TGIF2: variants seen among roughly 807,000 people sequenced by gnomAD.
TGIF2 encodes the protein TGFB induced factor homeobox 2.
TGIF2 carries 5 observed loss-of-function variants against 15.1 expected under a neutral mutation model. The ratio of observed to expected loss-of-function variants is 0.33; its 90% CI spans 0.17 to 0.70. TGIF2 has a LOEUF of 0.70. TGIF2 is among the 30% of genes least tolerant of loss of function. TGIF2 has a pLI of 0.67. For missense variants in TGIF2, 264 were observed against 302.5 expected (o/e 0.87, Z 0.94); for synonymous variants, 131 against 128.9 (o/e 1.02, Z -0.11).
rs764618617 is a variant in TGIF2 at position 36,578,779 on chromosome 20, C to T, written c.5C>T (p.Ser2Leu). The change falls in exon 2 of 3, where the codon TCG becomes TTG. Residue 2 changes from serine to leucine, a missense_variant. By Grantham distance (145) the Ser-to-Leu change is moderately radical (BLOSUM62 -2). Coordinates refer to ENST00000373872, the MANE Select transcript of TGIF2 (RefSeq NM_021809.7). MSDSDLGEDEGL... is the reference protein window; with the variant it reads MLDSDLGEDEGL... ...CCAGCCTAGCCCCTAGGCACCATGT[C>T]GGACAGTGATCTAGGTGAGGACGAA... The T allele has an allele frequency of 9.3e-6, 15 of 1,610,842 alleles. No homozygotes were observed. The highest frequency in any genetic ancestry group is 8.8e-5 in the South Asian group (8 of 90,498).
At chr20:36,588,355 C>CTTTTT (rs397802665) in intron 2 of TGIF2, among the ~76,000 whole-genome samples, 26 of 60,432 alleles carry the variant, frequency 4.3e-4, no homozygotes, top group South Asian at 8.0e-4. Flanking sequence ...GCCCTTCCTT[C>CTTTTT]TTTTTTTTTT....
chr20:36,585,465 T>TAAAAAAAAAAAAAAAAAAAAAAA (rs998173848), intron 2 of TGIF2, among the ~76,000 whole-genome samples: 1 of 104,056 alleles, frequency 9.6e-6, no homozygotes, highest in Non-Finnish European at 2.0e-5. Flanking sequence ...ACTCTGTCTT[T>TAAAAAAAAAAAAAAAAAAAAAAA]AAAAAAAAAA....
intron 2 of TGIF2, among the ~76,000 whole-genome samples, chr20:36,583,487 A>C (rs972618297): frequency 3.3e-5 from 5 of 150,818 alleles, no homozygotes; most frequent in Non-Finnish European, 3.0e-5. Context: ...AAGGCTGGGC[A>C]CTGTGGCTTA....
Position 36,591,350 on chromosome 20 carries a change from G to A in TGIF2, c.633G>A (p.Glu211=). 1 of 1,614,190 alleles carries A rather than the reference G, an allele frequency of 6.2e-7. No homozygotes were observed. The highest frequency in any genetic ancestry group is 1.3e-5 in the African/African-American group (1 of 75,050). The part of the protein sequence containing the change: ...LVEVALQRAA[E]MELQKQQDPS... ...AGGTGGCGCTACAGAGGGCTGCTGA[G>A]ATGGAGCTTCAGAAGCAGCAGGACC... is the stretch of plus-strand genomic sequence containing the variant. The change falls in exon 3 of 3, where the codon GAG becomes GAA. Residue 211 remains glutamate (E), a synonymous_variant. Transcript: ENST00000373872. This position sits in a 1 kb window ranked among gnomAD's most constrained non-coding sequence, Gnocchi z 5.3.
intron 1 of TGIF2, among the ~76,000 whole-genome samples, chr20:36,576,447 G>A (rs2038430783): frequency 6.6e-6 from 1 of 152,118 alleles, no homozygotes; most frequent in South Asian, 2.1e-4. Flanking sequence ...ACTGCTGCAG[G>A]ATCATGGTGA....
intron 1 of TGIF2, among the ~76,000 whole-genome samples, chr20:36,578,095 T>C (rs2038468924): frequency 6.6e-6 from 1 of 152,108 alleles, no homozygotes; most frequent in Admixed American, 6.6e-5. Context: ...GGAATTGTAA[T>C]GATTAAATGA....
intron 2 of TGIF2, among the ~76,000 whole-genome samples, chr20:36,586,246 G>A (rs2038656027): frequency 6.6e-6 from 1 of 152,124 alleles, no homozygotes; most frequent in African/African-American, 2.4e-5. Flanking sequence ...AAAGGGCTTG[G>A]CCTGCAAGGA....
At chr20:36,584,111 A>C (rs1180941735) in intron 2 of TGIF2, among the ~76,000 whole-genome samples, 1 of 152,162 alleles carries the variant, frequency 6.6e-6, no homozygotes, top group Non-Finnish European at 1.5e-5. Flanking sequence ...CAGCCTAATG[A>C]CATCACCGGC....
Position 36,584,543 on chromosome 20 carries a change from TATTA to T in TGIF2, c.192+5585_192+5588del, listed in dbSNP as rs149232289. On this transcript the variant is annotated intron_variant, in intron 2 of 2. Coordinates refer to ENST00000373872, the MANE Select transcript of TGIF2 (RefSeq NM_021809.7). ...TGGGAGCATCATTTTTTCCTGTATTTATTAATTAATTTTTTTTTTTTTTGAGACG... is the reference window on the plus strand; with the variant it reads ...TGGGAGCATCATTTTTTCCTGTATTTATTAATTTTTTTTTTTTTTGAGACG... Among the ~76,000 whole-genome samples, 266 of 152,050 alleles carry T rather than the reference TATTA, an allele frequency of 1.7e-3. 6 individuals carry two copies. The East Asian group carries it at 0.045, about 25-fold the overall frequency.
chr20:36,576,454 G>A (rs1046536729), intron 1 of TGIF2, among the ~76,000 whole-genome samples: 2 of 152,108 alleles, frequency 1.3e-5, no homozygotes, highest in South Asian at 4.1e-4. Flanking sequence ...CAGGATCATG[G>A]TGATCTGTAG....
intron 2 of TGIF2, among the ~76,000 whole-genome samples, chr20:36,583,117 C>A (rs2038578630): frequency 6.6e-6 from 1 of 151,314 alleles, no homozygotes. Context: ...TTCTTCAATA[C>A]TAAAAATACA....
At chr20:36,579,665 G>A (rs905636104) in intron 2 of TGIF2, among the ~76,000 whole-genome samples, 6 of 152,170 alleles carry the variant, frequency 3.9e-5, no homozygotes, top group Non-Finnish European at 8.8e-5. Context: ...AAGAGATGGG[G>A]CAGGATCACA....
intron 2 of TGIF2, among the ~76,000 whole-genome samples, chr20:36,585,324 C>G (rs1432355162): frequency 1.3e-5 from 2 of 151,770 alleles, no homozygotes; most frequent in African/African-American, 4.8e-5. Context: ...GTGGTGAAAC[C>G]CCGTCTCTAC....
chr20:36,576,088 T>C (rs183552467), intron 1 of TGIF2, among the ~76,000 whole-genome samples: 1 of 148,362 alleles, frequency 6.7e-6, no homozygotes, highest in Non-Finnish European at 1.5e-5. Context: ...CGAGACTCCA[T>C]CTCAAAAAAA....
chr20:36,592,374 T>G lies in TGIF2; in HGVS notation c.*943T>G, dbSNP rs985241745. On this transcript the variant is annotated 3_prime_UTR_variant, in exon 3 of 3. Coordinates refer to ENST00000373872, the MANE Select transcript of TGIF2 (RefSeq NM_021809.7). ...GGTGGGTGGGGGAAGTAAACTAGAC[T>G]GAAGCGATGGATTTTTTTTTTCTTT... 1 of 152,166 alleles carries G rather than the reference T, an allele frequency of 6.6e-6. No individual in the cohort carries two copies. Among genetic ancestry groups the G allele is most frequent in the East Asian group, 1.9e-4 (1 of 5,204 alleles). The allele number at this position is 152,166 out of a possible 1,614,324, so 9.4% of individuals were successfully genotyped here.
intron 1 of TGIF2, among the ~76,000 whole-genome samples, chr20:36,577,063 C>G (rs2038444969): frequency 6.6e-6 from 1 of 152,022 alleles, no homozygotes; most frequent in Non-Finnish European, 1.5e-5. Flanking sequence ...TCCAGGTTGA[C>G]ATGCACTGGT....
At position 36,579,036 on chromosome 20, in the gene TGIF2, T is replaced by C. The variant is rs2234086; in HGVS notation, c.192+70T>C. 6.8e-4 allele frequency: 1,053 copies of C among 1,547,106 alleles called. 3 individuals are homozygous for C. In the African/African-American group the frequency reaches 0.013, roughly 19 times the overall value. ...TCTAGTCCTATTCCAGCTGTGTCAC[T>C]GAGTCACTGTGGTCTTGGGCCACTC... On this transcript the variant is annotated intron_variant, in intron 2 of 2. Coordinates refer to ENST00000373872, the MANE Select transcript of TGIF2 (RefSeq NM_021809.7).
In TGIF2 at chr20:36,574,142, CAG is replaced by C. The variant is rs1455672350; in HGVS notation, c.-35+398_-35+399del. ...AGGGCCCCCCCGCCGCCGAGCCGGA[CAG>C]GGGGCGGCCGAGAGTGACAGCTGGG... On this transcript the variant is annotated intron_variant, in intron 1 of 2. Coordinates refer to ENST00000373872, the MANE Select transcript of TGIF2 (RefSeq NM_021809.7). Among the ~76,000 whole-genome samples, 6 of 150,576 alleles carry C rather than the reference CAG, an allele frequency of 4.0e-5. No individual in the cohort carries two copies. The East Asian group carries it at 1.0e-3, about 25-fold the overall frequency.
intron 2 of TGIF2, among the ~76,000 whole-genome samples, chr20:36,579,850 C>T (rs1412929551): frequency 6.6e-6 from 1 of 152,216 alleles, no homozygotes; most frequent in Non-Finnish European, 1.5e-5. Flanking sequence ...AAACCATGCA[C>T]ATGAACACAC....
Sources: allele counts gnomAD v4.1 joint callset (sites outside exome capture counted in the v4.1 genomes callset), GRCh38; gene constraint gnomAD v4.1.1; non-coding constraint Gnocchi (gnomAD v3.1); transcripts MANE v1.5; gene names NCBI Gene and HGNC (gene_info 2026-07-23, HGNC 2026-07-21).